The following MCTP1 variants were observed in gnomAD, a reference collection of about 807,000 sequenced individuals.
MCTP1 encodes the protein multiple C2 and transmembrane domain containing 1.
Under a neutral mutation model 120.6 loss-of-function variants are expected in MCTP1, and 69 were observed. The observed-to-expected ratio is 0.57, with a 90% CI of 0.47 to 0.70. MCTP1 has a LOEUF of 0.70. Ranked by LOEUF, MCTP1 falls within the 30% of genes least tolerant of loss-of-function variation. The probability of loss-of-function intolerance (pLI) is 0.00; values close to 1 mark genes in which losing one functional copy is unlikely to be tolerated. For synonymous variants in MCTP1, 529 were observed against 493.1 expected (o/e 1.07, Z -0.96); for missense variants, 1,203 against 1,248.8 (o/e 0.96, Z 0.55).
rs150571619 is a variant in MCTP1 at position 94,756,479 on chromosome 5, C to T, written c.2610+22631G>A. ...CTATGAAGATAGGAACTGCACTCAA[C>T]GAGGTGTCATCTATAGCATTATGGG... is the stretch of plus-strand genomic sequence containing the variant. On this transcript the variant is annotated intron_variant, in intron 19 of 22. Transcript: ENST00000515393. 1.1e-3 allele frequency among the ~76,000 whole-genome samples: 173 copies of T among 152,250 alleles called. 1 individual carries two copies. The highest frequency in any genetic ancestry group is 2.1e-3 in the Non-Finnish European group (140 of 68,030).
chr5:94,867,567 A>G (rs1229670863), intron 17 of MCTP1: 3 of 427,256 alleles, frequency 7.0e-6, no homozygotes, highest in Non-Finnish European at 1.2e-5. Context: ...ACAAACATGA[A>G]AATAAAATAA....
chr5:94,942,856 G>A (rs1818063678), intron 3 of MCTP1, among the ~76,000 whole-genome samples: 1 of 151,870 alleles, frequency 6.6e-6, no homozygotes, highest in Non-Finnish European at 1.5e-5. Flanking sequence ...ATACAAATAA[G>A]TAAAAAGATA....
chr5:95,284,553 G>T lies in MCTP1; in HGVS notation c.23C>A (p.Ala8Glu), dbSNP rs953875218. The change falls in exon 1 of 23, where the codon GCG becomes GAG. Residue 8 changes from alanine (A) to glutamate (E), a missense_variant. Around this residue, in one of 2 missense-constraint regions of MCTP1, gnomAD observed 463 missense variants for 377.8 expected, o/e 1.23. Transcript: ENST00000515393. The surrounding 1 kb of genome is among the most constrained non-coding windows in gnomAD (Gnocchi z 5.2). Reference sequence around the variant, plus strand: ...CGCCGCCGGCGGCTCTGGCTCGCCCGCCGCGGCAGCCCGGGGCTCCATCCT... The same window carrying T: ...CGCCGCCGGCGGCTCTGGCTCGCCCTCCGCGGCAGCCCGGGGCTCCATCCT... Reference protein sequence around the residue: MEPRAAAAGEPEPPAASS... With the variant: MEPRAAAEGEPEPPAASS... 2.1e-6 allele frequency: 3 copies of T among 1,449,986 alleles called. No individual in the cohort carries two copies. Among genetic ancestry groups the T allele is most frequent in the Admixed American group, 2.7e-5 (1 of 37,604 alleles). The allele number at this position is 1,449,986 out of a possible 1,614,324, so 89.8% of individuals were successfully genotyped here. A position where few individuals can be genotyped will look rare whatever the true frequency, so the allele number is the denominator to read the frequency against.
intron 1 of MCTP1, among the ~76,000 whole-genome samples, chr5:95,139,897 G>A (rs1225216735): frequency 6.6e-6 from 1 of 152,290 alleles, no homozygotes; most frequent in East Asian, 1.9e-4. Context: ...ATATTTACAA[G>A]CTTTGCTTTA....
intron 18 of MCTP1, 97 bp from the exon 19 acceptor site, chr5:94,779,260 T>A: frequency 1.0e-6 from 1 of 968,792 alleles, no homozygotes; most frequent in Non-Finnish European, 1.7e-6. Flanking sequence ...TTATTAACAT[T>A]TGAAACAGGC....
intron 1 of MCTP1, among the ~76,000 whole-genome samples, chr5:95,272,013 A>G (rs2152733400): frequency 6.6e-6 from 1 of 152,276 alleles, no homozygotes; most frequent in Non-Finnish European, 1.5e-5. Flanking sequence ...ATGTAATACT[A>G]TTACTTTATT....
intron 2 of MCTP1, among the ~76,000 whole-genome samples, chr5:94,989,981 G>GTT (rs1346702227): frequency 1.3e-5 from 2 of 152,094 alleles, no homozygotes; most frequent in Non-Finnish European, 2.9e-5. Context: ...TTTCTGAGTT[G>GTT]TATCCTTTAT....
intron 1 of MCTP1, among the ~76,000 whole-genome samples, chr5:95,041,305 T>A (rs1842311215): frequency 8.4e-6 from 1 of 119,234 alleles, no homozygotes; most frequent in Admixed American, 1.0e-4. Flanking sequence ...CAAAAGCCCA[T>A]GCTCTGAAAA....
Position 94,826,137 on chromosome 5 carries a change from C to T in MCTP1, c.2437-27005G>A. On this transcript the variant is annotated intron_variant, in intron 17 of 22. Coordinates refer to ENST00000515393, the MANE Select transcript of MCTP1 (RefSeq NM_024717.7). ...GTACAGATCTCATGAATCAGATCCT[C>T]CATGCAGATGATGCCATATTTACCA... 8.6e-6 allele frequency: 3 copies of T among 350,860 alleles called. No homozygotes were observed. The South Asian group carries it at 9.4e-5, about 11-fold the overall frequency. The allele number at this position is 350,860 out of a possible 1,614,324, so 21.7% of individuals were successfully genotyped here.
intron 19 of MCTP1, among the ~76,000 whole-genome samples, chr5:94,767,320 G>A (rs911814180): frequency 6.6e-6 from 1 of 152,144 alleles, no homozygotes; most frequent in Non-Finnish European, 1.5e-5. Context: ...ATGGAATGGG[G>A]AAAACCTGAA....
chr5:94,904,564 C>T (rs1381299310), intron 10 of MCTP1, among the ~76,000 whole-genome samples: 1 of 152,076 alleles, frequency 6.6e-6, no homozygotes, highest in African/African-American at 2.4e-5. Context: ...TACTTTTCCC[C>T]CAAATATGGC....
chr5:95,253,857 G>A (rs2152703624), intron 1 of MCTP1, among the ~76,000 whole-genome samples: 1 of 152,214 alleles, frequency 6.6e-6, no homozygotes, highest in Admixed American at 6.6e-5. Flanking sequence ...GTAGCAGACA[G>A]TATACTGCTC....
At chr5:94,922,574 C>T (rs1431489470) in intron 7 of MCTP1, among the ~76,000 whole-genome samples, 1 of 152,092 alleles carries the variant, frequency 6.6e-6, no homozygotes, top group African/African-American at 2.4e-5. Flanking sequence ...CTACAACCTC[C>T]TCCTCCTGGG....
intron 1 of MCTP1, among the ~76,000 whole-genome samples, chr5:95,149,159 T>C (rs756449217): frequency 6.6e-6 from 1 of 152,174 alleles, no homozygotes; most frequent in Non-Finnish European, 1.5e-5. Flanking sequence ...ACTGGCACCA[T>C]GTATGCATTT....
At chr5:95,144,228 T>A (rs997495103) in intron 1 of MCTP1, among the ~76,000 whole-genome samples, 1 of 152,196 alleles carries the variant, frequency 6.6e-6, no homozygotes, top group African/African-American at 2.4e-5. Context: ...TATCTGTTCA[T>A]GTCCTTTGCC....
At chr5:94,906,743 C>T (rs187359531) in intron 10 of MCTP1, among the ~76,000 whole-genome samples, 124 of 152,148 alleles carry the variant, frequency 8.1e-4, no homozygotes, top group Non-Finnish European at 1.2e-3. Flanking sequence ...ATAATGTAAT[C>T]CATACAAATG....
chr5:95,108,231 G>A (rs1757228583), intron 1 of MCTP1, among the ~76,000 whole-genome samples: 1 of 152,152 alleles, frequency 6.6e-6, no homozygotes, highest in African/African-American at 2.4e-5. Flanking sequence ...CTAAAGGAAA[G>A]GGATTTTGTC....
intron 17 of MCTP1, among the ~76,000 whole-genome samples, chr5:94,843,812 G>A (rs1361843805): frequency 2.0e-5 from 3 of 152,336 alleles, no homozygotes; most frequent in African/African-American, 7.2e-5. Flanking sequence ...TGGGGTCTGG[G>A]AATTTGCAAT....
chr5:94,738,420 C>T (rs1311066165), intron 19 of MCTP1, among the ~76,000 whole-genome samples: 1 of 152,102 alleles, frequency 6.6e-6, no homozygotes, highest in Non-Finnish European at 1.5e-5. Context: ...GTGCCCAATT[C>T]TGAACTTCCT....
Sources: allele counts gnomAD v4.1 joint callset (sites outside exome capture counted in the v4.1 genomes callset), GRCh38; gene constraint gnomAD v4.1.1; regional missense constraint gnomAD v4.1.1; non-coding constraint Gnocchi (gnomAD v3.1); transcripts MANE v1.5; gene names NCBI Gene and HGNC (gene_info 2026-07-23, HGNC 2026-07-21).